The following SGTA variants were observed in gnomAD, a reference collection of about 807,000 sequenced individuals.
SGTA encodes the protein small glutamine-rich tetratricopeptide repeat-containing protein alpha.
In SGTA, 22 loss-of-function variants were observed where a neutral mutation model predicts 44.3. The observed-to-expected ratio is 0.50, with a 90% confidence interval of 0.36 to 0.71. SGTA has a LOEUF of 0.71. SGTA is among the 30% of genes least tolerant of loss of function. SGTA has a pLI of 0.00. For missense variants in SGTA, 341 were observed against 435.9 expected (o/e 0.78, Z 1.94); for synonymous variants, 174 against 177.6 (o/e 0.98, Z 0.16).
intron 2 of SGTA, among the ~76,000 whole-genome samples, chr19:2,768,745 G>A (rs530860798): frequency 6.7e-4 from 102 of 152,392 alleles, no homozygotes; most frequent in Middle Eastern, 6.8e-3. Flanking sequence ...AAGGCATCAA[G>A]CAGTGGTGGC....
Position 2,762,402 on chromosome 19 carries a change from C to T in SGTA, c.636+104G>A, listed in dbSNP as rs771174944. 3.2e-5 allele frequency: 38 copies of T among 1,196,312 alleles called. No homozygotes were observed. The African/African-American group carries it at 4.1e-4, about 13-fold the overall frequency. The allele number at this position is 1,196,312 out of a possible 1,614,324, so 74.1% of individuals were successfully genotyped here. A position where few individuals can be genotyped will look rare whatever the true frequency, so the allele number is the denominator to read the frequency against. On this transcript the variant is annotated intron_variant, in intron 7 of 11. Coordinates refer to ENST00000221566, the MANE Select transcript of SGTA (RefSeq NM_003021.4). ...AACTGAAACAAACCCCGGACCCTCA[C>T]GACACCCAGGTTAAGCCTAGAGCCA...
At chr19:2,773,677 C>T (rs1226188629) in intron 1 of SGTA, among the ~76,000 whole-genome samples, 5 of 41,002 alleles carry the variant, frequency 1.2e-4, no homozygotes, top group Admixed American at 4.3e-4. Context: ...ATGGGTGACG[C>T]GGCCACACGG....
At chr19:2,764,551 C>T (rs1276440970) in intron 5 of SGTA, among the ~76,000 whole-genome samples, 2 of 152,124 alleles carry the variant, frequency 1.3e-5, no homozygotes, top group Non-Finnish European at 2.9e-5. Context: ...GCACCCACCA[C>T]CACATCCAGC....
intron 8 of SGTA, among the ~76,000 whole-genome samples, chr19:2,760,573 C>T (rs149921084): frequency 3.3e-5 from 5 of 151,030 alleles, no homozygotes; most frequent in South Asian, 2.1e-4. Flanking sequence ...AACCCAGCGG[C>T]GGGCCTTATT....
At position 2,776,487 on chromosome 19, in the gene SGTA, TAG is replaced by T. The variant is rs532859058; in HGVS notation, c.-24+6744_-24+6745del. Reference sequence around the variant, plus strand: ...TGTGACTCCCCTCCTAGGCGGTCCCTAGAGTCGTTGGATTCACAGAGACCAAA... The same window carrying T: ...TGTGACTCCCCTCCTAGGCGGTCCCTAGTCGTTGGATTCACAGAGACCAAA... On this transcript the variant is annotated intron_variant, in intron 1 of 11. Transcript: ENST00000221566. Among the ~76,000 whole-genome samples the T allele has an allele frequency of 1.1e-3, 161 of 152,266 alleles. 2 individuals carry two copies. The South Asian group carries it at 0.025, about 24-fold the overall frequency.
rs762393928 is a variant in SGTA at position 2,757,361 on chromosome 19, G to T, written c.924C>A (p.Asn308Lys). ...QIRSRTPSAS[N>K]DDQQE is the part of the protein sequence containing the mutation. ...CGCAGCGTCACTCCTGCTGGTCGTCGTTGCTGGCGCTGGGCGTCCGACTCC... is the reference window on the plus strand; with the variant it reads ...CGCAGCGTCACTCCTGCTGGTCGTCTTTGCTGGCGCTGGGCGTCCGACTCC... Residue 308 changes from asparagine to lysine, a missense_variant, in exon 11 of 12, where the codon AAC (asparagine) becomes AAA (lysine). Asn to Lys is a moderately conservative substitution (Grantham distance 94). Coordinates refer to ENST00000221566, the MANE Select transcript of SGTA (RefSeq NM_003021.4). 1 of 1,604,006 alleles carries T rather than the reference G, an allele frequency of 6.2e-7. No homozygotes were observed. The highest frequency in any genetic ancestry group is 8.5e-7 in the Non-Finnish European group (1 of 1,179,862).
intron 8 of SGTA, among the ~76,000 whole-genome samples, chr19:2,759,754 A>G (rs967430553): frequency 2.0e-5 from 3 of 152,132 alleles, no homozygotes; most frequent in African/African-American, 7.2e-5. Context: ...TGAGGTCAGG[A>G]GTTCGAGACC....
At chr19:2,766,133 T>G (rs1356888023) in intron 4 of SGTA, among the ~76,000 whole-genome samples, 5 of 152,238 alleles carry the variant, frequency 3.3e-5, no homozygotes, top group South Asian at 4.1e-4. Flanking sequence ...GGAGAATTGC[T>G]TGAACCAGGG....
At chr19:2,762,696 G>GC in intron 6 of SGTA, 52 bp from the exon 7 acceptor site, 1 of 1,603,796 alleles carries the variant, frequency 6.2e-7, no homozygotes, top group Non-Finnish European at 8.5e-7. Context: ...GCTCCAGGAG[G>GC]CCCCGCCAAA....
chr19:2,768,066 G>A (rs1046441846), intron 2 of SGTA, among the ~76,000 whole-genome samples: 2 of 152,106 alleles, frequency 1.3e-5, no homozygotes, highest in African/African-American at 4.8e-5. Context: ...CTCCAAGGGC[G>A]CCTGGCCTGA....
chr19:2,776,839 TGTAGTCC>T (rs1915455095), intron 1 of SGTA, among the ~76,000 whole-genome samples: 1 of 152,038 alleles, frequency 6.6e-6, no homozygotes, highest in Admixed American at 6.5e-5. Flanking sequence ...GGCGCACACC[TGTAGTCC>T]CAGCTACTCA....
chr19:2,774,719 C>G (rs1915403748), intron 1 of SGTA, among the ~76,000 whole-genome samples: 1 of 152,154 alleles, frequency 6.6e-6, no homozygotes, highest in Non-Finnish European at 1.5e-5. Flanking sequence ...TGGCCTCAAG[C>G]AATCCTCCCA....
Position 2,760,532 on chromosome 19 carries a change from A to C in SGTA, c.699+928T>G, listed in dbSNP as rs544806129. Among the ~76,000 whole-genome samples, 858 of 151,472 alleles carry C rather than the reference A, an allele frequency of 5.7e-3. 8 individuals carry two copies. Among genetic ancestry groups the C allele is most frequent in the Non-Finnish European group, 9.3e-3 (632 of 67,866 alleles). On this transcript the variant is annotated intron_variant, in intron 8 of 11. Coordinates refer to ENST00000221566, the MANE Select transcript of SGTA (RefSeq NM_003021.4). ...GACTCCATCTCAAAAAAAAAAAAAA[A>C]AAAAAAAACCAAAAAAAACTTTATT... is the stretch of plus-strand genomic sequence containing the variant.
chr19:2,767,230 G>A lies in SGTA; in HGVS notation c.208-10C>T. On this transcript the variant is annotated splice_polypyrimidine_tract_variant and intron_variant, in intron 3 of 11. Transcript: ENST00000221566. This position sits in a 1 kb window ranked among gnomAD's most constrained non-coding sequence, Gnocchi z 7.3. Reference sequence around the variant, plus strand: ...GGTCCTGCGGCATCTCCTGGACCCGGAGGCAAAGGCGGCCCGCTGTCCTCT... The same window carrying A: ...GGTCCTGCGGCATCTCCTGGACCCGAAGGCAAAGGCGGCCCGCTGTCCTCT... 6.2e-7 allele frequency: 1 copy of A among 1,603,048 alleles called. No individual in the cohort carries two copies. The highest frequency in any genetic ancestry group is 1.1e-5 in the South Asian group (1 of 89,524).
At chr19:2,762,243 C>T (rs1404730763) in intron 7 of SGTA, among the ~76,000 whole-genome samples, 1 of 152,206 alleles carries the variant, frequency 6.6e-6, no homozygotes, top group African/African-American at 2.4e-5. Context: ...GCCACAAAAC[C>T]CACATCGAGG....
chr19:2,759,314 T>C lies in SGTA; in HGVS notation c.700-20A>G. On this transcript the variant is annotated intron_variant, in intron 8 of 11. Transcript: ENST00000221566. ...CGAAGCCTGAAGAACAGAACAAATTTGTCAGGAAGACAAAGCTCCCAGCGC... is the reference window on the plus strand; with the variant it reads ...CGAAGCCTGAAGAACAGAACAAATTCGTCAGGAAGACAAAGCTCCCAGCGC... 1 of 1,612,564 alleles carries C rather than the reference T, an allele frequency of 6.2e-7. No homozygotes were observed. The highest frequency in any genetic ancestry group is 1.1e-5 in the South Asian group (1 of 90,950).
intron 1 of SGTA, chr19:2,770,581 G>A (rs10422918): frequency 0.31 from 46,809 of 152,826 alleles, 7,923 homozygotes; most frequent in East Asian, 0.66. Context: ...CCCCGCCCCC[G>A]CCGCTGGAGC....
At chr19:2,772,027 C>T (rs1207688165) in intron 1 of SGTA, among the ~76,000 whole-genome samples, 3 of 152,242 alleles carry the variant, frequency 2.0e-5, no homozygotes, top group South Asian at 2.1e-4. Flanking sequence ...TACAGGGTGG[C>T]GGGGCTGTGT....
chr19:2,767,813 AG>A lies in SGTA; in HGVS notation c.101-128del. On this transcript the variant is annotated intron_variant, in intron 2 of 11. Transcript: ENST00000221566. The surrounding 1 kb of genome is among the most constrained non-coding windows in gnomAD (Gnocchi z 7.3). ...TTCATTCCCAAGGACCCCAGAACGC[AG>A]GGGCCGCCGCCTGTGCTCTGGGCTG... The A allele has an allele frequency of 2.8e-6, 2 of 711,416 alleles. No homozygotes were observed. Among genetic ancestry groups the A allele is most frequent in the Non-Finnish European group, 5.0e-6 (2 of 400,056 alleles). 44.1% of individuals were successfully genotyped at this position (711,416 alleles called of 1,614,324 possible).
Sources: gnomAD v4.1 joint callset for allele counts (sites outside exome capture counted in the v4.1 genomes callset) on GRCh38, gnomAD v4.1.1 for gene constraint, Gnocchi (gnomAD v3.1) non-coding constraint, MANE v1.5 for transcripts, NCBI Gene and HGNC (gene_info 2026-07-23, HGNC 2026-07-21) for gene names.